ZNF438: variants seen among roughly 807,000 people sequenced by gnomAD.
ZNF438 encodes the protein zinc finger protein 438.
ZNF438 carries 25 observed loss-of-function variants against 38.0 expected under a neutral mutation model. The ratio of observed to expected loss-of-function variants is 0.66; its 90% CI spans 0.48 to 0.92. The LOEUF (loss-of-function observed/expected upper bound fraction) is 0.92, where lower values mean the gene tolerates loss of function less well. Ranked by LOEUF, ZNF438 falls within the 40% of genes least tolerant of loss-of-function variation. The probability of loss-of-function intolerance (pLI) is 0.00; values close to 1 mark genes in which losing one functional copy is unlikely to be tolerated. For missense variants in ZNF438, 1,007 were observed against 999.6 expected, an observed-to-expected ratio of 1.01 and a Z score of -0.10; for synonymous variants, 372 against 364.1, an observed-to-expected ratio of 1.02 and a Z score of -0.25.
At chr10:30,969,214 T>C (rs919650155) in intron 1 of ZNF438, among the ~76,000 whole-genome samples, 2 of 152,036 alleles carry the variant, frequency 1.3e-5, no homozygotes, top group East Asian at 1.9e-4. Flanking sequence ...GTCAAAAGGA[T>C]AGATTTTGAG....
intron 2 of ZNF438, among the ~76,000 whole-genome samples, chr10:30,940,896 A>AC (rs1405663475): frequency 3.3e-5 from 5 of 152,052 alleles, no homozygotes; most frequent in Non-Finnish European, 7.4e-5. Context: ...AATAACTTAG[A>AC]AAAGTTGTAT....
At chr10:30,913,009 C>A (rs1370476593) in intron 2 of ZNF438, among the ~76,000 whole-genome samples, 1 of 151,992 alleles carries the variant, frequency 6.6e-6, no homozygotes, top group Non-Finnish European at 1.5e-5. Context: ...AATCTGTTAT[C>A]TTTTCTATAA....
chr10:30,874,110 G>GTATATATA (rs1483981955), intron 4 of ZNF438, among the ~76,000 whole-genome samples: 2 of 31,640 alleles, frequency 6.3e-5, no homozygotes, highest in African/African-American at 3.5e-4. Flanking sequence ...GGGGGTGTGT[G>GTATATATA]TGTGTATATA....
rs11358833 is a variant in ZNF438 at position 30,976,740 on chromosome 10, TAA to T, written c.-191-35091_-191-35090del. The stretch of plus-strand genomic sequence containing the variant: ...TGACAAAGCAAGACCCTTTATTTAA[TAA>T]AAAAAAAAAAAAGAAGTCATATTAC... On this transcript the variant is annotated intron_variant, in intron 1 of 5. Transcript: ENST00000413025. 8.1e-3 allele frequency among the ~76,000 whole-genome samples: 1,171 copies of T among 143,798 alleles called. 12 individuals carry two copies. The highest frequency in any genetic ancestry group is 0.024 in the African/African-American group (942 of 39,344). 94.3% of individuals were successfully genotyped at this position (143,798 alleles called of 152,430 possible).
chr10:30,901,928 T>A (rs1209745911), intron 3 of ZNF438, among the ~76,000 whole-genome samples: 1 of 152,142 alleles, frequency 6.6e-6, no homozygotes, highest in Non-Finnish European at 1.5e-5. Context: ...GCTGTGAGTG[T>A]TACAGCTCTT....
chr10:30,859,492 T>C (rs2035228124), intron 4 of ZNF438, among the ~76,000 whole-genome samples: 1 of 152,310 alleles, frequency 6.6e-6, no homozygotes, highest in Admixed American at 6.5e-5. Context: ...TAAGCTACTA[T>C]GTGTGGTTAT....
At chr10:30,903,950 G>T (rs1473272563) in intron 3 of ZNF438, among the ~76,000 whole-genome samples, 1 of 149,332 alleles carries the variant, frequency 6.7e-6, no homozygotes, top group South Asian at 2.2e-4. Context: ...AAATTGGAAT[G>T]TTTTAACTGC....
Position 30,964,126 on chromosome 10 carries a change from GAA to G in ZNF438, c.-191-22477_-191-22476del, listed in dbSNP as rs762884402. Reference sequence around the variant, plus strand: ...AAGGAACAAATAAGTCACTGATGAAGAAAAGTTTCCACCACACACTTCAAGCA... The same window carrying G: ...AAGGAACAAATAAGTCACTGATGAAGAAGTTTCCACCACACACTTCAAGCA... On this transcript the variant is annotated intron_variant, in intron 1 of 5. Transcript: ENST00000413025. Among the ~76,000 whole-genome samples, 11 of 152,226 alleles carry G rather than the reference GAA, an allele frequency of 7.2e-5. No homozygotes were observed. The East Asian group carries it at 1.3e-3, about 19-fold the overall frequency.
At chr10:30,967,252 A>G (rs1213324075) in intron 1 of ZNF438, among the ~76,000 whole-genome samples, 1 of 152,204 alleles carries the variant, frequency 6.6e-6, no homozygotes, top group East Asian at 1.9e-4. Context: ...AATTGTGGGG[A>G]AAAGAAGAGC....
intron 1 of ZNF438, among the ~76,000 whole-genome samples, chr10:30,995,329 G>A (rs550205652): frequency 6.6e-6 from 1 of 152,296 alleles, no homozygotes; most frequent in East Asian, 1.9e-4. Context: ...AGAAACAAGG[G>A]AGGCCAGAAA....
intron 1 of ZNF438, among the ~76,000 whole-genome samples, chr10:30,966,653 G>A (rs556237065): frequency 2.3e-5 from 3 of 132,518 alleles, no homozygotes; most frequent in East Asian, 2.2e-4. Flanking sequence ...CTGGGCAACA[G>A]AGCAAGACTC....
rs563246508 is a variant in ZNF438, at chr10:30,923,811, T to A, written c.-114-14796A>T. ...AATCTGTATGTGATTTTGGGATGAT[T>A]GCTCTTCCATTTAAGTTCAGAATTA... On this transcript the variant is annotated intron_variant, in intron 2 of 5. Coordinates refer to ENST00000413025, the Ensembl canonical transcript of ZNF438. Among the ~76,000 whole-genome samples, 11 of 152,318 alleles carry A rather than the reference T, an allele frequency of 7.2e-5. No individual in the cohort carries two copies. The South Asian group carries it at 2.3e-3, about 32-fold the overall frequency.
chr10:30,890,083 C>CAAAAAAAAAAAA (rs71863439), intron 3 of ZNF438, among the ~76,000 whole-genome samples: 4 of 93,374 alleles, frequency 4.3e-5, no homozygotes, highest in Non-Finnish European at 6.8e-5. Context: ...TTGGCATTTC[C>CAAAAAAAAAAAA]AAAAAAAAAA....
intron 4 of ZNF438, among the ~76,000 whole-genome samples, chr10:30,874,114 GTA>G (rs58422289): frequency 0.029 from 2,281 of 79,626 alleles, 76 homozygotes; most frequent in African/African-American, 0.11. Context: ...GTGTGTGTGT[GTA>G]TATATATATA....
At chr10:30,957,538 T>C (rs746290193) in intron 1 of ZNF438, among the ~76,000 whole-genome samples, 17 of 152,220 alleles carry the variant, frequency 1.1e-4, no homozygotes, top group Non-Finnish European at 2.1e-4. Context: ...TTTGAGTTGA[T>C]GTTGGTAAGA....
At chr10:30,853,687 T>C (rs1444207433) in intron 4 of ZNF438, among the ~76,000 whole-genome samples, 2 of 152,230 alleles carry the variant, frequency 1.3e-5, no homozygotes, top group Non-Finnish European at 2.9e-5. Flanking sequence ...TCCTGTTTCA[T>C]TTTCTCTAGA....
chr10:31,019,694 G>A (rs2056453418), intron 1 of ZNF438, among the ~76,000 whole-genome samples: 1 of 152,178 alleles, frequency 6.6e-6, no homozygotes, highest in Non-Finnish European at 1.5e-5. Context: ...ATAATATACA[G>A]GATGCCCCAC....
chr10:30,863,087 A>AGCTTT (rs2133207323), intron 4 of ZNF438, among the ~76,000 whole-genome samples: 1 of 152,250 alleles, frequency 6.6e-6, no homozygotes, highest in Admixed American at 6.5e-5. Context: ...CTTTTATGTC[A>AGCTTT]AATAGTTCAT....
intron 4 of ZNF438, among the ~76,000 whole-genome samples, chr10:30,855,213 C>T (rs1341024491): frequency 2.0e-5 from 3 of 152,304 alleles, no homozygotes; most frequent in East Asian, 3.9e-4. Flanking sequence ...CAGGACACTC[C>T]TGAGCTCTGT....
Sources: gnomAD v4.1 joint callset for allele counts (sites outside exome capture counted in the v4.1 genomes callset) on GRCh38, gnomAD v4.1.1 for gene constraint, MANE v1.5 for transcripts, NCBI Gene and HGNC (gene_info 2026-07-23, HGNC 2026-07-21) for gene names.